The following CDC42BPA variants were observed in gnomAD, a reference collection of about 807,000 sequenced individuals.
The protein encoded by CDC42BPA is CDC42 binding protein kinase alpha.
CDC42BPA carries 80 observed loss-of-function variants against 223.5 expected under a neutral mutation model. The observed-to-expected ratio is 0.36, with a 90% confidence interval of 0.30 to 0.43. The LOEUF (loss-of-function observed/expected upper bound fraction) is 0.43, where lower values mean the gene tolerates loss of function less well. CDC42BPA is among the 20% of genes least tolerant of loss of function. The pLI, the probability that CDC42BPA is intolerant of heterozygous loss-of-function variation, is 1.00. For missense variants in CDC42BPA, 1,743 were observed against 2,099.9 expected (o/e 0.83, Z 3.32); for synonymous variants, 694 against 718.6 (o/e 0.97, Z 0.55).
At chr1:227,280,482 CCA>C (rs1314110223) in intron 1 of CDC42BPA, among the ~76,000 whole-genome samples, 1 of 152,094 alleles carries the variant, frequency 6.6e-6, no homozygotes, top group Non-Finnish European at 1.5e-5. Flanking sequence ...GAAAGAAAAT[CCA>C]CAGAGTTCAG....
intron 3 of CDC42BPA, among the ~76,000 whole-genome samples, chr1:227,201,902 C>CTA (rs927325195): frequency 6.6e-6 from 1 of 151,982 alleles, no homozygotes; most frequent in Non-Finnish European, 1.5e-5. Context: ...ACACAGTATG[C>CTA]TATATATAAT....
intron 9 of CDC42BPA, among the ~76,000 whole-genome samples, chr1:227,140,897 G>A (rs1361368343): frequency 6.6e-6 from 1 of 152,148 alleles, no homozygotes; most frequent in African/African-American, 2.4e-5. Flanking sequence ...GAGTTTAGAT[G>A]GAAAAGAGAA....
chr1:227,190,576 T>C (rs1372846211), intron 5 of CDC42BPA, among the ~76,000 whole-genome samples: 1 of 152,224 alleles, frequency 6.6e-6, no homozygotes, highest in African/African-American at 2.4e-5. Flanking sequence ...ATTATTTAAC[T>C]TGTGGTATTT....
chr1:227,253,490 G>T (rs1337013109), intron 2 of CDC42BPA, among the ~76,000 whole-genome samples: 1 of 152,104 alleles, frequency 6.6e-6, no homozygotes, highest in Non-Finnish European at 1.5e-5. Context: ...CAGCTACTCG[G>T]GAGGCTGAAG....
intron 5 of CDC42BPA, among the ~76,000 whole-genome samples, chr1:227,171,286 GT>G (rs1666050164): frequency 6.6e-6 from 1 of 152,160 alleles, no homozygotes; most frequent in Admixed American, 6.5e-5. Flanking sequence ...TGGGTTAAAA[GT>G]TTTATGATTT....
intron 30 of CDC42BPA, among the ~76,000 whole-genome samples, chr1:227,027,234 G>A (rs1028219061): frequency 1.1e-4 from 16 of 151,860 alleles, no homozygotes; most frequent in African/African-American, 3.6e-4. Context: ...GAGGGTGGGG[G>A]AAAAAAAAGT....
At position 226,994,256 on chromosome 1, in the gene CDC42BPA, T is replaced by C. The variant is rs1249110993; in HGVS notation, c.*12A>G. ...GGGAGCGGAGAGCGAGAGGTCCCAG[T>C]GCTGAGGCAGCTCACGGGTCCCAGC... is the stretch of plus-strand genomic sequence containing the variant. On this transcript the variant is annotated 3_prime_UTR_variant, in exon 37 of 37. Coordinates refer to ENST00000366766, the MANE Select transcript of CDC42BPA (RefSeq NM_001394014.1). This position sits in a 1 kb window ranked among gnomAD's most constrained non-coding sequence, Gnocchi z 4.0. 4 of 1,567,562 alleles carry C rather than the reference T, an allele frequency of 2.6e-6. No homozygotes were observed. The highest frequency in any genetic ancestry group is 3.5e-6 in the Non-Finnish European group (4 of 1,154,454).
At chr1:227,035,682 A>G in intron 24 of CDC42BPA, 75 bp from the exon 25 acceptor site, 1 of 1,029,906 alleles carries the variant, frequency 9.7e-7, no homozygotes. Flanking sequence ...CTCACTGCAT[A>G]CAAGATGCTA....
intron 1 of CDC42BPA, among the ~76,000 whole-genome samples, chr1:227,315,055 G>C (rs1489266588): frequency 6.6e-6 from 1 of 151,966 alleles, no homozygotes; most frequent in African/African-American, 2.4e-5. Context: ...TTCTTAAATA[G>C]ACTGGCACTC....
chr1:227,240,675 A>C (rs185783060), intron 2 of CDC42BPA, among the ~76,000 whole-genome samples: 21 of 146,888 alleles, frequency 1.4e-4, no homozygotes, highest in African/African-American at 4.7e-4. Context: ...TGGTGCTGAA[A>C]CAACTGGCTA....
At chr1:227,292,893 C>G (rs1323467739) in intron 1 of CDC42BPA, among the ~76,000 whole-genome samples, 4 of 152,138 alleles carry the variant, frequency 2.6e-5, no homozygotes, top group African/African-American at 9.7e-5. Context: ...CACTATCATT[C>G]AAACAAAACC....
chr1:227,116,094 C>T (rs1397984188), intron 12 of CDC42BPA, among the ~76,000 whole-genome samples: 1 of 152,072 alleles, frequency 6.6e-6, no homozygotes, highest in Non-Finnish European at 1.5e-5. Context: ...GAGAATAACA[C>T]CTAACTCATG....
At chr1:227,034,004 G>A (rs1228349228) in intron 26 of CDC42BPA, among the ~76,000 whole-genome samples, 1 of 152,132 alleles carries the variant, frequency 6.6e-6, no homozygotes, top group Non-Finnish European at 1.5e-5. Flanking sequence ...ATTTGTAGGG[G>A]AAGATAATGC....
intron 2 of CDC42BPA, 102 bp from the exon 3 acceptor site, chr1:227,213,321 C>A: frequency 3.4e-6 from 2 of 585,924 alleles, no homozygotes; most frequent in South Asian, 4.9e-5. Context: ...TACCAATTAT[C>A]AATTATGTCA....
chr1:227,261,124 C>CT (rs386369874), intron 1 of CDC42BPA, among the ~76,000 whole-genome samples: 11 of 120,996 alleles, frequency 9.1e-5, no homozygotes, highest in Admixed American at 1.7e-4. Flanking sequence ...TTGAGTTTTT[C>CT]TTTTTTTTTG....
At chr1:227,008,823 T>C (rs750631611) in intron 34 of CDC42BPA, among the ~76,000 whole-genome samples, 5 of 151,984 alleles carry the variant, frequency 3.3e-5, no homozygotes, top group Non-Finnish European at 7.4e-5. Flanking sequence ...TCTACCAAAT[T>C]TGCAAAGTCC....
At chr1:227,067,583 CTTT>C (rs2149023636) in intron 21 of CDC42BPA, among the ~76,000 whole-genome samples, 1 of 152,220 alleles carries the variant, frequency 6.6e-6, no homozygotes, top group African/African-American at 2.4e-5. Flanking sequence ...GGAGAGTTCT[CTTT>C]TTATCACACT....
intron 5 of CDC42BPA, among the ~76,000 whole-genome samples, chr1:227,163,036 GTTTCCAAACATA>G (rs879874301): frequency 0.15 from 20,689 of 139,094 alleles, 2,184 homozygotes; most frequent in Non-Finnish European, 0.18. Context: ...AAACATATGT[GTTTCCAAACATA>G]TGTGTATGTT....
intron 11 of CDC42BPA, among the ~76,000 whole-genome samples, chr1:227,124,367 C>T (rs1689168790): frequency 6.6e-6 from 1 of 151,966 alleles, no homozygotes; most frequent in Admixed American, 6.6e-5. Context: ...GGAGGAATGA[C>T]AGATTGAAGG....
Sources: allele counts gnomAD v4.1 joint callset (sites outside exome capture counted in the v4.1 genomes callset), GRCh38; gene constraint gnomAD v4.1.1; non-coding constraint Gnocchi (gnomAD v3.1); transcripts MANE v1.5; gene names NCBI Gene and HGNC (gene_info 2026-07-23, HGNC 2026-07-21).